H6PD: variants seen among roughly 807,000 people sequenced by gnomAD.
H6PD encodes hexose-6-phosphate dehydrogenase/glucose 1-dehydrogenase.
H6PD carries 48 observed loss-of-function variants against 61.2 expected under a neutral mutation model. That is an observed-to-expected ratio of 0.78 (90% CI 0.62 to 1.00). The LOEUF is 1.00. H6PD is among the 50% of genes least tolerant of loss of function. The pLI, the probability that H6PD is intolerant of heterozygous loss-of-function variation, is 0.00. For synonymous variants in H6PD, 480 were observed against 457.9 expected (o/e 1.05, Z -0.62); for missense variants, 1,093 against 1,065.0 (o/e 1.03, Z -0.37).
Position 9,265,238 on chromosome 1 carries a change from T to A in H6PD, c.*369T>A, listed in dbSNP as rs553276211. 648 of 379,026 alleles carry A rather than the reference T, an allele frequency of 1.7e-3. 1 individual carries two copies. The highest frequency in any genetic ancestry group is 2.8e-3 in the Non-Finnish European group (545 of 197,372). 23.5% of individuals were successfully genotyped at this position (379,026 alleles called of 1,614,324 possible). The stretch of plus-strand genomic sequence containing the variant: ...GGAGACGTGACGTGGTGGGCTGAGG[T>A]TAATCAGGGAAGGTTTCCTGGGGGA... On this transcript the variant is annotated 3_prime_UTR_variant, in exon 5 of 5. Coordinates refer to ENST00000377403, the MANE Select transcript of H6PD (RefSeq NM_004285.4).
chr1:9,247,093 T>TGCGCAG lies in H6PD; in HGVS notation c.745+11_745+12insCGCAGG. 1.3e-6 allele frequency: 2 copies of TGCGCAG among 1,542,668 alleles called. No homozygotes were observed. Among genetic ancestry groups the TGCGCAG allele is most frequent in the Non-Finnish European group, 1.8e-6 (2 of 1,114,724 alleles). Reference sequence around the variant, plus strand: ...ACCGTGGATGCTGAAGGTGTGTGAGTGGCCCTGCGCACTCGGTCCCCCAGC... The same window carrying TGCGCAG: ...ACCGTGGATGCTGAAGGTGTGTGAGTGCGCAGGGCCCTGCGCACTCGGTCCCCCAGC... On this transcript the variant is annotated intron_variant, in intron 3 of 4. Coordinates refer to ENST00000377403, the MANE Select transcript of H6PD (RefSeq NM_004285.4).
intron 3 of H6PD, among the ~76,000 whole-genome samples, chr1:9,253,176 C>T (rs1335313192): frequency 2.0e-5 from 3 of 152,274 alleles, no homozygotes; most frequent in Non-Finnish European, 4.4e-5. Context: ...AAGACGGAGC[C>T]AACCAGGCAA....
Position 9,264,149 on chromosome 1 carries a change from G to C in H6PD, c.1656G>C (p.Glu552Asp). 1 of 1,613,440 alleles carries C rather than the reference G, an allele frequency of 6.2e-7. No individual in the cohort carries two copies. The highest frequency in any genetic ancestry group is 8.5e-7 in the Non-Finnish European group (1 of 1,179,662). The stretch of plus-strand genomic sequence containing the variant: ...AGGTCCTCAGGGCCAAGTACCGAGA[G>C]AGCCCGCTGGTCTCCGCCTGGTCCG... ...DFQVLRAKYR[E>D]SPLVSAWSEE... is the part of the protein sequence containing the mutation. The change falls in exon 5 of 5, where the codon GAG (glutamate) becomes GAC (aspartate). Residue 552 changes from glutamate (E) to aspartate (D), a missense_variant. Coordinates refer to ENST00000377403, the MANE Select transcript of H6PD (RefSeq NM_004285.4).
intron 1 of H6PD, 115 bp downstream of exon 1, chr1:9,235,181 G>A (rs1640817509): frequency 1.3e-5 from 2 of 151,996 alleles, no homozygotes; most frequent in Admixed American, 1.3e-4. Flanking sequence ...GCCCCACGGA[G>A]CCTGGGGCTG....
intron 3 of H6PD, among the ~76,000 whole-genome samples, chr1:9,250,992 C>T (rs1390686494): frequency 4.6e-5 from 7 of 152,280 alleles, no homozygotes; most frequent in Admixed American, 2.0e-4. Context: ...AAGGAAGACG[C>T]GATCTGGTTC....
At chr1:9,258,617 G>A (rs1641602194) in intron 3 of H6PD, among the ~76,000 whole-genome samples, 1 of 151,256 alleles carries the variant, frequency 6.6e-6, no homozygotes, top group Admixed American at 6.6e-5. Flanking sequence ...CCGTTGTTAT[G>A]TTGCTGTTAT....
chr1:9,245,661 C>T lies in H6PD; in HGVS notation c.627+100C>T. The T allele has an allele frequency of 8.3e-7, 1 of 1,212,000 alleles. No individual in the cohort carries two copies. Among genetic ancestry groups the T allele is most frequent in the Admixed American group, 1.9e-5 (1 of 52,788 alleles). The allele number at this position is 1,212,000 out of a possible 1,614,324, so 75.1% of individuals were successfully genotyped here. On this transcript the variant is annotated intron_variant, in intron 2 of 4. Coordinates refer to ENST00000377403, the MANE Select transcript of H6PD (RefSeq NM_004285.4). This position sits in a 1 kb window ranked among gnomAD's most constrained non-coding sequence, Gnocchi z 4.8. ...CTCATTGTGGAGCTAGGCCCCAAGG[C>T]ATTGTGAACTCAGAGCTCCCATGGT...
chr1:9,241,467 G>A (rs1382339166), intron 1 of H6PD, among the ~76,000 whole-genome samples: 1 of 152,108 alleles, frequency 6.6e-6, no homozygotes, highest in Non-Finnish European at 1.5e-5. Context: ...GCAGTGGTGC[G>A]ATCATGGCTC....
At chr1:9,262,349 TG>T in intron 4 of H6PD, 21 bp downstream of exon 4, 1 of 1,587,670 alleles carries the variant, frequency 6.3e-7, no homozygotes. Flanking sequence ...GGGCTGGGCA[TG>T]GGGCACTGGG....
In H6PD at chr1:9,263,544, G is replaced by A; in HGVS notation, c.1051G>A (p.Gly351Ser). The A allele has an allele frequency of 1.9e-6, 3 of 1,614,196 alleles. No individual in the cohort carries two copies. Among genetic ancestry groups the A allele is most frequent in the Non-Finnish European group, 2.5e-6 (3 of 1,180,022 alleles). Reference protein sequence around the residue: ...LVHIDNLRWEGVPFILMSGKA... With the variant: ...LVHIDNLRWESVPFILMSGKA... The stretch of plus-strand genomic sequence containing the variant: ...GCACATTGACAACCTTCGCTGGGAG[G>A]GCGTGCCTTTCATCCTGATGTCTGG... Residue 351 changes from glycine to serine, a missense_variant, in exon 5 of 5, where the codon GGC becomes AGC. By Grantham distance (56) the Gly-to-Ser change is moderately conservative. Transcript: ENST00000377403.
rs1239177040 is a variant in H6PD, at chr1:9,271,090, T to A, written c.*6221T>A. The stretch of plus-strand genomic sequence containing the variant: ...CCGAGTAGCTGGGATTACACCACCA[T>A]GCCCAGCAAATTTTTGTGTTTTTAG... On this transcript the variant is annotated 3_prime_UTR_variant, in exon 5 of 5. Coordinates refer to ENST00000377403, the MANE Select transcript of H6PD (RefSeq NM_004285.4). 1.3e-5 allele frequency: 2 copies of A among 152,120 alleles called. No individual in the cohort carries two copies. The highest frequency in any genetic ancestry group is 2.9e-5 in the Non-Finnish European group (2 of 68,046). The allele number at this position is 152,120 out of a possible 1,614,324, so 9.4% of individuals were successfully genotyped here.
In H6PD at chr1:9,263,721, C is replaced by T; in HGVS notation, c.1228C>T (p.Pro410Ser). 1 of 1,614,004 alleles carries T rather than the reference C, an allele frequency of 6.2e-7. No individual in the cohort carries two copies. The highest frequency in any genetic ancestry group is 8.5e-7 in the Non-Finnish European group (1 of 1,179,996). Reference protein sequence around the residue: ...FHIGHGDLGSPAVLVSRNLFR... With the variant: ...FHIGHGDLGSSAVLVSRNLFR... ...CATCGGCCATGGCGACCTGGGCAGCCCTGCCGTGCTGGTCAGCAGGAACCT... is the reference window on the plus strand; with the variant it reads ...CATCGGCCATGGCGACCTGGGCAGCTCTGCCGTGCTGGTCAGCAGGAACCT... The change falls in exon 5 of 5, where the codon CCT (proline) becomes TCT (serine). Residue 410 changes from proline (P) to serine (S), a missense_variant. Transcript: ENST00000377403.
chr1:9,258,926 T>C (rs1191802904), intron 3 of H6PD, among the ~76,000 whole-genome samples: 1 of 152,204 alleles, frequency 6.6e-6, no homozygotes, highest in Non-Finnish European at 1.5e-5. Context: ...TATGTTGTTA[T>C]GCCAGTGTTA....
In H6PD at chr1:9,265,063, G is replaced by A. The variant is rs1557427248; in HGVS notation, c.*194G>A. On this transcript the variant is annotated 3_prime_UTR_variant, in exon 5 of 5. Transcript: ENST00000377403. ...CGGCAGCTCTGTGTATTGGTGGATA[G>A]ATGCAGAAACAAGGAAGAAATGGAG... The A allele has an allele frequency of 1.4e-5, 9 of 648,292 alleles. No individual in the cohort carries two copies. The highest frequency in any genetic ancestry group is 1.9e-5 in the Non-Finnish European group (7 of 362,850). 40.2% of individuals were successfully genotyped at this position (648,292 alleles called of 1,614,324 possible).
Position 9,263,818 on chromosome 1 carries a change from C to G in H6PD, c.1325C>G (p.Pro442Arg), listed in dbSNP as rs200294863. 7.4e-5 allele frequency: 119 copies of G among 1,613,866 alleles called. No individual in the cohort carries two copies. The highest frequency in any genetic ancestry group is 2.7e-5 in the Non-Finnish European group (32 of 1,180,036). ...GPPGLRLFGS[P>R]LSDYYAYSPV... Reference sequence around the variant, plus strand: ...CCTGGGCTCCGCCTTTTCGGCAGCCCTCTGTCCGATTACTACGCCTACAGC... The same window carrying G: ...CCTGGGCTCCGCCTTTTCGGCAGCCGTCTGTCCGATTACTACGCCTACAGC... The change falls in exon 5 of 5, where the codon CCT (proline) becomes CGT (arginine). Residue 442 changes from proline (P) to arginine (R), a missense_variant. Coordinates refer to ENST00000377403, the MANE Select transcript of H6PD (RefSeq NM_004285.4).
intron 3 of H6PD, among the ~76,000 whole-genome samples, chr1:9,251,150 C>G (rs1165294156): frequency 6.6e-6 from 1 of 152,202 alleles, no homozygotes; most frequent in Non-Finnish European, 1.5e-5. Flanking sequence ...TCCTTCATCC[C>G]AGAGATGACC....
At chr1:9,235,154 C>CG (rs1286238078) in intron 1 of H6PD, 88 bp downstream of exon 1, 2 of 151,226 alleles carry the variant, frequency 1.3e-5, no homozygotes, top group Non-Finnish European at 3.0e-5. Flanking sequence ...CGCCGAGCCC[C>CG]GGAGCCTGCG....
chr1:9,263,976 C>A lies in H6PD; in HGVS notation c.1483C>A (p.His495Asn). The A allele has an allele frequency of 6.2e-7, 1 of 1,614,228 alleles. No homozygotes were observed. The highest frequency in any genetic ancestry group is 8.5e-7 in the Non-Finnish European group (1 of 1,180,032). ...GACCCCTCTGCTGGAGAGCCTGGCC[C>A]ATAAGGCCCCACGCCTCTACCCTGG... ...FWTPLLESLAHKAPRLYPGGA... is the reference protein window; with the variant it reads ...FWTPLLESLANKAPRLYPGGA... Residue 495 changes from histidine to asparagine, a missense_variant, in exon 5 of 5, where the codon CAT (histidine) becomes AAT (asparagine). His to Asn is a moderately conservative substitution (Grantham distance 68). Coordinates refer to ENST00000377403, the MANE Select transcript of H6PD (RefSeq NM_004285.4).
Position 9,266,491 on chromosome 1 carries a change from G to C in H6PD, c.*1622G>C, listed in dbSNP as rs1557427985. 1 of 152,234 alleles carries C rather than the reference G, an allele frequency of 6.6e-6. No individual in the cohort carries two copies. The highest frequency in any genetic ancestry group is 2.4e-5 in the African/African-American group (1 of 41,462). 9.4% of individuals were successfully genotyped at this position (152,234 alleles called of 1,614,324 possible). On this transcript the variant is annotated 3_prime_UTR_variant, in exon 5 of 5. Coordinates refer to ENST00000377403, the MANE Select transcript of H6PD (RefSeq NM_004285.4). Reference sequence around the variant, plus strand: ...CCACAAAGCAAAATTCCCAGGACATGTGTAGTTTTGTTTGTTCAGTATCCC... The same window carrying C: ...CCACAAAGCAAAATTCCCAGGACATCTGTAGTTTTGTTTGTTCAGTATCCC...
Sources: gnomAD v4.1 joint callset for allele counts (sites outside exome capture counted in the v4.1 genomes callset) on GRCh38, gnomAD v4.1.1 for gene constraint, Gnocchi (gnomAD v3.1) non-coding constraint, MANE v1.5 for transcripts, NCBI Gene and HGNC (gene_info 2026-07-23, HGNC 2026-07-21) for gene names.